Variants in BAIAP2 observed in about 807,000 individuals in gnomAD.
The protein encoded by BAIAP2 is BAR/IMD domain-containing adapter protein 2.
A neutral mutation model predicts 63.0 loss-of-function variants in BAIAP2; 18 were observed. The observed-to-expected ratio is 0.29, with a 90% CI of 0.20 to 0.42. BAIAP2 has a LOEUF of 0.42. Among genes scored for constraint, BAIAP2 ranks in the 10% least tolerant of loss-of-function variants. The pLI is 1.00. For missense variants in BAIAP2, 610 were observed against 734.3 expected (o/e 0.83, Z 1.96); for synonymous variants, 386 against 307.6 (o/e 1.25, Z -2.67).
chr17:81,062,870 T>C (rs2050811842), intron 3 of BAIAP2, among the ~76,000 whole-genome samples: 1 of 152,060 alleles, frequency 6.6e-6, no homozygotes, highest in Non-Finnish European at 1.5e-5. Flanking sequence ...ACCGCTGCTG[T>C]GTTCAGGGCC....
rs1227464589 is a variant in BAIAP2, at chr17:81,046,201, C to T, written c.55-7467C>T. ...GGGATCCCGTTCTGCAGGCTCCAGC[C>T]CACCTTCAGGCCCCCGTCCTAACCC... On this transcript the variant is annotated intron_variant, in intron 1 of 13. Coordinates refer to ENST00000428708, the MANE Select transcript of BAIAP2 (RefSeq NM_001144888.2). The surrounding 1 kb of genome is among the most constrained non-coding windows in gnomAD (Gnocchi z 4.5). Among the ~76,000 whole-genome samples, 1 of 152,120 alleles carries T rather than the reference C, an allele frequency of 6.6e-6. No homozygotes were observed. The highest frequency in any genetic ancestry group is 1.5e-5 in the Non-Finnish European group (1 of 67,992).
At chr17:81,051,554 C>T (rs1034376869) in intron 1 of BAIAP2, among the ~76,000 whole-genome samples, 1 of 152,218 alleles carries the variant, frequency 6.6e-6, no homozygotes, top group African/African-American at 2.4e-5. Flanking sequence ...CGTCTGCCAC[C>T]AAGCCCGGCT....
At position 81,100,057 on chromosome 17, in the gene BAIAP2, A is replaced by C. The variant is rs2058277187; in HGVS notation, c.619A>C (p.Asn207His). ...LVEKQCAVAKNSAAYHSKGKE... is the reference protein window; with the variant it reads ...LVEKQCAVAKHSAAYHSKGKE... Reference sequence around the variant, plus strand: ...GGAGAAGCAGTGCGCCGTGGCCAAGAACTCCGCGGCCTACCACTCCAAGGT... The same window carrying C: ...GGAGAAGCAGTGCGCCGTGGCCAAGCACTCCGCGGCCTACCACTCCAAGGT... The change falls in exon 7 of 14, where the codon AAC becomes CAC. Residue 207 changes from asparagine (N) to histidine (H), a missense_variant. Asn to His is a moderately conservative substitution (Grantham distance 68). Coordinates refer to ENST00000428708, the MANE Select transcript of BAIAP2 (RefSeq NM_001144888.2). 6.2e-7 allele frequency: 1 copy of C among 1,611,430 alleles called. No homozygotes were observed. The highest frequency in any genetic ancestry group is 8.5e-7 in the Non-Finnish European group (1 of 1,179,640).
intron 8 of BAIAP2, 24 bp downstream of exon 8, chr17:81,103,747 C>T: frequency 6.6e-7 from 1 of 1,513,806 alleles, no homozygotes; most frequent in South Asian, 1.1e-5. Flanking sequence ...CTCTGGAAAG[C>T]TTCACGGGTG....
rs374093419 is a variant in BAIAP2, at chr17:81,115,803, A to C, written c.1569A>C (p.Thr523=). ...NPFAHVQLKP[T]VTNDRSAPLL... ...TTGCCCACGTCCAGCTGAAGCCGAC[A>C]GTGACCAACGACAGGTCTGCCCCCC... Residue 523 remains threonine (T), a synonymous_variant, in exon 14 of 14, where the codon ACA becomes ACC. Transcript: ENST00000428708. 1.9e-6 allele frequency: 3 copies of C among 1,613,452 alleles called. No homozygotes were observed. The African/African-American group carries it at 4.0e-5, about 22-fold the overall frequency.
Position 81,053,747 on chromosome 17 carries a change from G to T in BAIAP2, c.130+4G>T. ...AATTACGAGAAGGCACTGGCAGGTG[G>T]AACTGCGCCCGGGCCCCGTGGGGTG... On this transcript the variant is annotated splice_donor_region_variant and intron_variant, in intron 2 of 13. Coordinates refer to ENST00000428708, the MANE Select transcript of BAIAP2 (RefSeq NM_001144888.2). 6.2e-7 allele frequency: 1 copy of T among 1,613,860 alleles called. No homozygotes were observed. Among genetic ancestry groups the T allele is most frequent in the Non-Finnish European group, 8.5e-7 (1 of 1,179,928 alleles).
chr17:81,085,051 A>C, intron 4 of BAIAP2, 158 bp downstream of exon 4: 1 of 747,246 alleles, frequency 1.3e-6, no homozygotes, highest in African/African-American at 1.7e-5. Context: ...GCCACACTCG[A>C]AGGAGGACGT....
chr17:81,077,450 C>T (rs960579215), intron 3 of BAIAP2, among the ~76,000 whole-genome samples: 14 of 152,042 alleles, frequency 9.2e-5, no homozygotes, highest in African/African-American at 3.4e-4. Flanking sequence ...CATCTGCAGT[C>T]CCAGCTACTC....
chr17:81,089,372 C>A (rs9908428), intron 6 of BAIAP2, among the ~76,000 whole-genome samples: 1 of 152,226 alleles, frequency 6.6e-6, no homozygotes, highest in South Asian at 2.1e-4. Flanking sequence ...CTGGACCTGG[C>A]GGTGACTCGA....
intron 3 of BAIAP2, among the ~76,000 whole-genome samples, chr17:81,079,106 A>G (rs746433301): frequency 5.3e-5 from 8 of 152,196 alleles, no homozygotes; most frequent in Non-Finnish European, 1.2e-4. Context: ...GCCCAAGCAG[A>G]ACCAACCCGA....
At chr17:81,042,966 C>T (rs1161305960) in intron 1 of BAIAP2, among the ~76,000 whole-genome samples, 10 of 152,134 alleles carry the variant, frequency 6.6e-5, no homozygotes. Flanking sequence ...TTACTGCAGC[C>T]TCTGCCTCCT....
chr17:81,064,937 T>TC (rs2051202938), intron 3 of BAIAP2, among the ~76,000 whole-genome samples: 2 of 152,162 alleles, frequency 1.3e-5, no homozygotes, highest in South Asian at 4.1e-4. Context: ...GCCCTTCTAA[T>TC]CCCCTAGCCG....
At chr17:81,101,633 G>A (rs887530592) in intron 7 of BAIAP2, among the ~76,000 whole-genome samples, 8 of 135,572 alleles carry the variant, frequency 5.9e-5, no homozygotes, top group African/African-American at 2.0e-4. Context: ...GTGCGCGTGC[G>A]TGCACACACA....
intron 1 of BAIAP2, among the ~76,000 whole-genome samples, chr17:81,043,042 T>C (rs1269607022): frequency 1.3e-5 from 2 of 151,994 alleles, no homozygotes; most frequent in Admixed American, 6.6e-5. Context: ...AATTTTAGTA[T>C]TTTTAGTAGA....
At chr17:81,111,809 C>T (rs141809460) in intron 13 of BAIAP2, among the ~76,000 whole-genome samples, 5 of 152,336 alleles carry the variant, frequency 3.3e-5, no homozygotes, top group African/African-American at 9.6e-5. Context: ...TGTGTCTGGG[C>T]GGGTCCTGCT....
intron 1 of BAIAP2, among the ~76,000 whole-genome samples, chr17:81,051,209 C>A (rs1033067243): frequency 6.6e-6 from 1 of 151,986 alleles, no homozygotes; most frequent in African/African-American, 2.4e-5. Flanking sequence ...CAGAGGCCTG[C>A]GTGGTACGTG....
chr17:81,075,294 C>T (rs2053470800), intron 3 of BAIAP2, among the ~76,000 whole-genome samples: 1 of 152,232 alleles, frequency 6.6e-6, no homozygotes, highest in South Asian at 2.1e-4. Flanking sequence ...ACCATCCTCA[C>T]CTCCCTCCCC....
chr17:81,115,874 TC>T lies in BAIAP2; in HGVS notation c.*40del. The stretch of plus-strand genomic sequence containing the variant: ...CTGCAGTGCTGCCCATCTGGTGGCT[TC>T]CCCCGCCCTTCCCATGTAGCCTGTT... On this transcript the variant is annotated 3_prime_UTR_variant, in exon 14 of 14. Transcript: ENST00000428708. 6.2e-7 allele frequency: 1 copy of T among 1,611,236 alleles called. No individual in the cohort carries two copies. Among genetic ancestry groups the T allele is most frequent in the East Asian group, 2.2e-5 (1 of 44,826 alleles).
At chr17:81,083,347 C>T (rs564186211) in intron 3 of BAIAP2, 6 of 152,398 alleles carry the variant, frequency 3.9e-5, no homozygotes, top group African/African-American at 1.2e-4. Flanking sequence ...AGGAATCACC[C>T]GAGAGTGACC....
Sources: allele counts gnomAD v4.1 joint callset (sites outside exome capture counted in the v4.1 genomes callset), GRCh38; gene constraint gnomAD v4.1.1; non-coding constraint Gnocchi (gnomAD v3.1); transcripts MANE v1.5; gene names NCBI Gene and HGNC (gene_info 2026-07-23, HGNC 2026-07-21).